ZEB1: variants seen among roughly 807,000 people sequenced by gnomAD.
ZEB1 encodes the protein zinc finger E-box binding homeobox 1.
In ZEB1, 21 loss-of-function variants were observed where a neutral mutation model predicts 84.9. The ratio of observed to expected loss-of-function variants is 0.25; its 90% confidence interval spans 0.18 to 0.36. The LOEUF (loss-of-function observed/expected upper bound fraction) is 0.36. ZEB1 is among the 10% of genes least tolerant of loss of function. ZEB1 has a pLI of 1.00. For synonymous variants in ZEB1, 420 were observed against 471.1 expected, an observed-to-expected ratio of 0.89 and a Z score of 1.41; for missense variants, 1,104 against 1,330.2, an observed-to-expected ratio of 0.83 and a Z score of 2.65.
intron 2 of ZEB1, among the ~76,000 whole-genome samples, chr10:31,482,022 A>G (rs2065109573): frequency 6.6e-6 from 1 of 152,032 alleles, no homozygotes; most frequent in African/African-American, 2.4e-5. Flanking sequence ...GATTTTTTGC[A>G]TAATTTTGAA....
intron 1 of ZEB1, among the ~76,000 whole-genome samples, chr10:31,430,829 G>C (rs1317226248): frequency 6.6e-6 from 1 of 152,086 alleles, no homozygotes; most frequent in African/African-American, 2.4e-5. Flanking sequence ...TGAAAACAGA[G>C]GCTTTAGAAG....
intron 1 of ZEB1, among the ~76,000 whole-genome samples, chr10:31,427,368 A>G (rs1199604936): frequency 1.3e-5 from 2 of 152,178 alleles, no homozygotes; most frequent in East Asian, 1.9e-4. Context: ...TGGAACCCCA[A>G]CTCAGTAGGT....
chr10:31,460,711 A>G (rs1591520209), intron 1 of ZEB1, among the ~76,000 whole-genome samples: 1 of 152,152 alleles, frequency 6.6e-6, no homozygotes, highest in African/African-American at 2.4e-5. Context: ...TTTCTTACAT[A>G]TAAAACAAGG....
intron 1 of ZEB1, among the ~76,000 whole-genome samples, chr10:31,325,616 A>C (rs1172464857): frequency 6.6e-6 from 1 of 152,058 alleles, no homozygotes; most frequent in Non-Finnish European, 1.5e-5. Context: ...GAAATTATTC[A>C]TAACAGATGT....
At chr10:31,318,967 CCCA>C (rs2032889366), upstream of ZEB1, 3 of 536,904 alleles carry the variant, frequency 5.6e-6, no homozygotes, top group South Asian at 2.0e-5. Flanking sequence ...CCTCCCTCTC[CCCA>C]CCACACCTGA....
chr10:31,327,099 C>CTTTTTTTTTTTTTTTTTTTTT (rs71527629), intron 1 of ZEB1, among the ~76,000 whole-genome samples: 131 of 84,912 alleles, frequency 1.5e-3, no homozygotes, highest in Middle Eastern at 9.4e-3. Context: ...CTTTTCTTTT[C>CTTTTTTTTTTTTTTTTTTTTT]TTTTTTTTTT....
At chr10:31,454,935 A>G (rs2061020663) in intron 1 of ZEB1, among the ~76,000 whole-genome samples, 1 of 152,224 alleles carries the variant, frequency 6.6e-6, no homozygotes, top group African/African-American at 2.4e-5. Flanking sequence ...GTGGAACCAA[A>G]AAAGAGCCCA....
At chr10:31,473,738 G>A (rs566988219) in intron 2 of ZEB1, among the ~76,000 whole-genome samples, 42 of 150,302 alleles carry the variant, frequency 2.8e-4, no homozygotes, top group African/African-American at 5.9e-4. Flanking sequence ...CCAAAAAAGA[G>A]CCTGCATCGC....
Position 31,526,672 on chromosome 10 carries a change from G to A in ZEB1, c.2786G>A (p.Gly929Asp), listed in dbSNP as rs1158946120. Reference sequence around the variant, plus strand: ...ATTTAACAGAATTCTTATTTTGCAGGTAAAAGACCTCATGAGTGTGGAATC... The same window carrying A: ...ATTTAACAGAATTCTTATTTTGCAGATAAAAGACCTCATGAGTGTGGAATC... ...SLLRHKYEHT[G>D]KRPHECGICK... Residue 929 changes from glycine to aspartate, a missense_variant and splice_region_variant, in exon 9 of 9, where the codon GGT becomes GAT. Around this residue, in one of 7 missense-constraint regions of ZEB1, gnomAD observed 53 missense variants for 92.5 expected, o/e 0.57. Transcript: ENST00000424869. 2 of 1,613,448 alleles carry A rather than the reference G, an allele frequency of 1.2e-6. No individual in the cohort carries two copies. The highest frequency in any genetic ancestry group is 1.7e-6 in the Non-Finnish European group (2 of 1,179,970).
At chr10:31,446,693 G>A (rs2059826871) in intron 1 of ZEB1, among the ~76,000 whole-genome samples, 2 of 152,090 alleles carry the variant, frequency 1.3e-5, no homozygotes, top group African/African-American at 4.8e-5. Flanking sequence ...TCAGGAGCAG[G>A]TTGTTCAGTT....
chr10:31,502,575 T>C (rs969557502), intron 4 of ZEB1, 66 bp downstream of exon 4: 1 of 1,598,410 alleles, frequency 6.3e-7, no homozygotes, highest in African/African-American at 1.3e-5. Context: ...ACCATTCTAC[T>C]ATGGGAACCT....
intron 1 of ZEB1, among the ~76,000 whole-genome samples, chr10:31,411,694 TA>T (rs2054319478): frequency 6.9e-6 from 1 of 145,822 alleles, no homozygotes; most frequent in African/African-American, 2.5e-5. Context: ...CTAAATGCTA[TA>T]AATTTCTCTC....
intron 1 of ZEB1, among the ~76,000 whole-genome samples, chr10:31,460,283 T>C (rs1193613576): frequency 3.9e-5 from 6 of 152,102 alleles, no homozygotes; most frequent in Non-Finnish European, 7.4e-5. Flanking sequence ...TTGAAATTCA[T>C]TAAAAATTAT....
chr10:31,504,596 T>C (rs2068650184), intron 4 of ZEB1, among the ~76,000 whole-genome samples: 1 of 152,156 alleles, frequency 6.6e-6, no homozygotes, highest in African/African-American at 2.4e-5. Flanking sequence ...GCATGGGATG[T>C]CTTTCCATTT....
intron 1 of ZEB1, among the ~76,000 whole-genome samples, chr10:31,431,351 C>T (rs948673295): frequency 6.6e-6 from 1 of 152,168 alleles, no homozygotes; most frequent in Admixed American, 6.5e-5. Context: ...ATACTATACA[C>T]TTGATCTTAG....
At chr10:31,376,874 A>G (rs1247937744) in intron 1 of ZEB1, among the ~76,000 whole-genome samples, 1 of 151,682 alleles carries the variant, frequency 6.6e-6, no homozygotes, top group Non-Finnish European at 1.5e-5. Flanking sequence ...TTCATTCATA[A>G]AGTTGTGCCA....
chr10:31,431,759 T>C (rs1024744414), intron 1 of ZEB1, among the ~76,000 whole-genome samples: 1 of 152,212 alleles, frequency 6.6e-6, no homozygotes, highest in Non-Finnish European at 1.5e-5. Flanking sequence ...AACATTACTT[T>C]CAATCAGATG....
chr10:31,471,325 C>T (rs220044), intron 2 of ZEB1, among the ~76,000 whole-genome samples: 10,690 of 135,878 alleles, frequency 0.079, 693 homozygotes, highest in African/African-American at 0.18. Flanking sequence ...ACCCATCTCA[C>T]GTGCAGAGAC....
intron 1 of ZEB1, among the ~76,000 whole-genome samples, chr10:31,354,496 A>T (rs72637902): frequency 0.052 from 7,874 of 152,222 alleles, 587 homozygotes; most frequent in East Asian, 0.18. Context: ...TCTAAGGATT[A>T]TTCTGAATTC....
Sources: gnomAD v4.1 joint callset for allele counts (sites outside exome capture counted in the v4.1 genomes callset) on GRCh38, gnomAD v4.1.1 for gene constraint, gnomAD v4.1.1 regional missense constraint, MANE v1.5 for transcripts, NCBI Gene and HGNC (gene_info 2026-07-23, HGNC 2026-07-21) for gene names.